Variants in SYN2 observed in about 807,000 individuals in gnomAD.
SYN2 encodes the protein synapsin-2.
SYN2 carries 19 observed loss-of-function variants against 50.9 expected under a neutral mutation model. The observed-to-expected ratio is 0.37, with a 90% CI of 0.26 to 0.55. The LOEUF (loss-of-function observed/expected upper bound fraction) is 0.55, where lower values mean the gene tolerates loss of function less well. SYN2 is among the 20% of genes least tolerant of loss of function. SYN2 has a pLI of 0.81. For missense variants in SYN2, 587 were observed against 576.4 expected (o/e 1.02, Z -0.19); for synonymous variants, 255 against 224.9 (o/e 1.13, Z -1.20).
intron 7 of SYN2, among the ~76,000 whole-genome samples, chr3:12,164,566 G>C (rs1005735188): frequency 1.3e-5 from 2 of 152,156 alleles, no homozygotes; most frequent in Non-Finnish European, 2.9e-5. Context: ...AGCAATCACC[G>C]TGGAGATCCA....
intron 1 of SYN2, chr3:12,071,464 TG>T (rs749600983): frequency 3.8e-5 from 18 of 469,670 alleles, no homozygotes; most frequent in Admixed American, 1.2e-4. Flanking sequence ...CTCATGAAAC[TG>T]GAATAAGCCT....
chr3:12,164,438 T>A (rs1697730668), intron 7 of SYN2, among the ~76,000 whole-genome samples: 1 of 152,230 alleles, frequency 6.6e-6, no homozygotes, highest in African/African-American at 2.4e-5. Flanking sequence ...GTTTAGGCCC[T>A]CTTAGCTTCT....
At chr3:12,159,192 A>C in intron 5 of SYN2, 2 of 269,570 alleles carry the variant, frequency 7.4e-6, no homozygotes, top group Non-Finnish European at 1.4e-5. Flanking sequence ...AGACAAATGC[A>C]TGAGGACAGA....
At chr3:12,154,333 G>T in intron 5 of SYN2, 3 of 1,614,222 alleles carry the variant, frequency 1.9e-6, no homozygotes, top group Non-Finnish European at 2.5e-6. Flanking sequence ...TTACTTGGCA[G>T]CCACAGTTCA....
intron 1 of SYN2, among the ~76,000 whole-genome samples, chr3:12,005,255 T>A (rs1175113317): frequency 6.6e-6 from 1 of 152,070 alleles, no homozygotes; most frequent in East Asian, 1.9e-4. Flanking sequence ...GGGACACACT[T>A]GTTAGCTTAG....
At chr3:12,076,919 T>G (rs1393890762) in intron 1 of SYN2, among the ~76,000 whole-genome samples, 1 of 152,154 alleles carries the variant, frequency 6.6e-6, no homozygotes, top group African/African-American at 2.4e-5. Context: ...GAAGTTAACT[T>G]TAACCTGAGA....
intron 1 of SYN2, among the ~76,000 whole-genome samples, chr3:12,131,012 C>G (rs532664551): frequency 6.6e-6 from 1 of 152,284 alleles, no homozygotes; most frequent in Admixed American, 6.5e-5. Flanking sequence ...GGCTGGGAAA[C>G]TGTCTGAATT....
intron 1 of SYN2, among the ~76,000 whole-genome samples, chr3:12,045,432 GT>G (rs1694714038): frequency 1.3e-5 from 2 of 152,124 alleles, no homozygotes; most frequent in African/African-American, 2.4e-5. Flanking sequence ...ATGCATTTCA[GT>G]TTTTTTCTGG....
At chr3:12,177,575 G>T (rs572541597) in intron 10 of SYN2, among the ~76,000 whole-genome samples, 12 of 152,170 alleles carry the variant, frequency 7.9e-5, no homozygotes, top group Non-Finnish European at 1.2e-4. Context: ...GAGCTCAGAA[G>T]AGGTAAATTT....
rs574152616 is a variant in SYN2, at chr3:12,185,522, C to G, written c.1370-1847C>G. On this transcript the variant is annotated intron_variant, in intron 11 of 12. Coordinates refer to ENST00000621198, the MANE Select transcript of SYN2 (RefSeq NM_133625.6). Reference sequence around the variant, plus strand: ...TGCCCTCAGGCAGCATGCTTAGGGACAACTCTGTGGCCTGGGGGACATCTG... The same window carrying G: ...TGCCCTCAGGCAGCATGCTTAGGGAGAACTCTGTGGCCTGGGGGACATCTG... 9.1e-6 allele frequency: 9 copies of G among 985,860 alleles called. 1 individual carries two copies. The South Asian group carries it at 3.8e-4, about 41-fold the overall frequency. The allele number at this position is 985,860 out of a possible 1,614,324, so 61.1% of individuals were successfully genotyped here. A position where few individuals can be genotyped will look rare whatever the true frequency, so the allele number is the denominator to read the frequency against.
At chr3:12,153,456 AAGG>A (rs1697363113) in intron 5 of SYN2, 1 of 1,592,632 alleles carries the variant, frequency 6.3e-7, no homozygotes, top group East Asian at 2.2e-5. Flanking sequence ...CTCTGCAGGG[AAGG>A]AGAACTGGCT....
intron 11 of SYN2, chr3:12,183,643 T>G (rs1045682161): frequency 7.1e-7 from 1 of 1,407,138 alleles, no homozygotes; most frequent in Non-Finnish European, 9.2e-7. Context: ...TGCTCACTTA[T>G]GTTTTCTCTG....
chr3:12,180,336 A>G (rs1418733481), intron 10 of SYN2, among the ~76,000 whole-genome samples: 2 of 151,508 alleles, frequency 1.3e-5, no homozygotes, highest in Non-Finnish European at 2.9e-5. Context: ...TCACATTCTT[A>G]CCTGTTTGAA....
At chr3:12,183,936 T>C (rs1698283627) in intron 11 of SYN2, 1 of 992,374 alleles carries the variant, frequency 1.0e-6, no homozygotes, top group Non-Finnish European at 1.2e-6. Context: ...TTTCGCTTTC[T>C]TTCTGCATGA....
chr3:12,171,549 G>T (rs555629160), intron 10 of SYN2, among the ~76,000 whole-genome samples: 52 of 152,312 alleles, frequency 3.4e-4, no homozygotes, highest in African/African-American at 1.2e-3. Context: ...GCTGCTCTGG[G>T]ATTCTGTGAA....
chr3:12,103,023 C>T (rs1488582609), intron 1 of SYN2, among the ~76,000 whole-genome samples: 1 of 152,138 alleles, frequency 6.6e-6, no homozygotes, highest in African/African-American at 2.4e-5. Flanking sequence ...TACAGTTCTA[C>T]AAGCTTTACC....
In SYN2 at chr3:12,004,866, C is replaced by T. The variant is rs2618393; in HGVS notation, c.315C>T (p.Pro105=). Residue 105 remains proline (P), a synonymous_variant, in exon 1 of 13, where the codon CCC becomes CCT. Transcript: ENST00000621198. ...CTGGCCTGGTGGACGCGCCCGCTCC[C>T]GCGCCCGCAGCCGCCAGGAAGGCCA... The part of the protein sequence containing the change: ...ASAGLVDAPA[P]APAAARKAKV... The T allele has an allele frequency of 3.5e-6, 2 of 568,926 alleles. No homozygotes were observed. The highest frequency in any genetic ancestry group is 6.3e-6 in the Non-Finnish European group (2 of 318,086). 35.2% of individuals were successfully genotyped at this position (568,926 alleles called of 1,614,324 possible).
intron 1 of SYN2, among the ~76,000 whole-genome samples, chr3:12,034,754 C>G (rs1694458798): frequency 6.6e-6 from 1 of 152,206 alleles, no homozygotes; most frequent in Non-Finnish European, 1.5e-5. Context: ...TTAGGCCCAC[C>G]TCATAACACT....
At chr3:12,058,115 A>G (rs377132579) in intron 1 of SYN2, among the ~76,000 whole-genome samples, 5 of 152,302 alleles carry the variant, frequency 3.3e-5, no homozygotes, top group Admixed American at 6.5e-5. Context: ...CTTACCTACA[A>G]TGTCTATAAG....
Sources: gnomAD v4.1 joint callset for allele counts (sites outside exome capture counted in the v4.1 genomes callset) on GRCh38, gnomAD v4.1.1 for gene constraint, MANE v1.5 for transcripts, NCBI Gene and HGNC (gene_info 2026-07-23, HGNC 2026-07-21) for gene names.